The following COX7A2 variants were observed in gnomAD, a reference collection of about 807,000 sequenced individuals.
The protein encoded by COX7A2 is cytochrome c oxidase subunit 7A2, also known as cytochrome c oxidase subunit 7A2, mitochondrial.
COX7A2 carries 11 observed loss-of-function variants against 11.6 expected under a neutral mutation model. That is an observed-to-expected ratio of 0.95 (90% CI 0.60 to 1.57). COX7A2 has a LOEUF of 1.57. COX7A2 is among the 40% of genes most tolerant of loss of function. The pLI, the probability that COX7A2 is intolerant of heterozygous loss-of-function variation, is 0.00. For synonymous variants in COX7A2, 30 were observed against 38.2 expected (o/e 0.78, Z 0.79); for missense variants, 106 against 100.9 (o/e 1.05, Z -0.22).
At chr6:75,238,401 T>G (rs930969386) in intron 3 of COX7A2, among the ~76,000 whole-genome samples, 4 of 151,594 alleles carry the variant, frequency 2.6e-5, no homozygotes, top group African/African-American at 9.7e-5. Flanking sequence ...TAATCAAATG[T>G]AATATAAAAA....
upstream of COX7A2, among the ~76,000 whole-genome samples, chr6:75,244,395 A>G (rs754635638): frequency 1.3e-5 from 2 of 152,170 alleles, no homozygotes; most frequent in Admixed American, 6.5e-5. Context: ...AAATTGTGGA[A>G]GAGGCTCGCT....
chr6:75,244,334 C>T (rs531855486), upstream of COX7A2, among the ~76,000 whole-genome samples: 2 of 152,240 alleles, frequency 1.3e-5, no homozygotes, highest in African/African-American at 4.8e-5. Flanking sequence ...ATTCTTGTAC[C>T]TTCGACTGCT....
intron 3 of COX7A2, among the ~76,000 whole-genome samples, chr6:75,239,172 C>T (rs1180887805): frequency 1.3e-5 from 2 of 152,050 alleles, no homozygotes; most frequent in African/African-American, 2.4e-5. Flanking sequence ...TTGTGGGAAC[C>T]CCAACTTAAA....
chr6:75,240,387 TAG>T lies in COX7A2; in HGVS notation c.109-4_109-3del. On this transcript the variant is annotated splice_polypyrimidine_tract_variant and splice_region_variant and intron_variant, in intron 2 of 3. Coordinates refer to ENST00000684430, the MANE Select transcript of COX7A2 (RefSeq NM_001366293.2). Reference sequence around the variant, plus strand: ...ATACAGTGGAATTTCATCATCCTCCTAGATTTAAAAAAAAAAAAAAAAGACAA... The same window carrying T: ...ATACAGTGGAATTTCATCATCCTCCTATTTAAAAAAAAAAAAAAAAGACAA... 1.4e-6 allele frequency: 2 copies of T among 1,423,744 alleles called. No homozygotes were observed. Among genetic ancestry groups the T allele is most frequent in the Non-Finnish European group, 1.8e-6 (2 of 1,081,610 alleles). The allele number at this position is 1,423,744 out of a possible 1,614,324, so 88.2% of individuals were successfully genotyped here.
intron 1 of COX7A2, 148 bp downstream of exon 1, chr6:75,243,569 G>A: frequency 1.4e-6 from 1 of 711,426 alleles, no homozygotes; most frequent in Non-Finnish European, 2.4e-6. Context: ...GGAAGGGAAA[G>A]TAAGGTCAGG....
upstream of COX7A2, among the ~76,000 whole-genome samples, chr6:75,247,636 A>C (rs999026277): frequency 6.6e-6 from 1 of 152,126 alleles, no homozygotes; most frequent in African/African-American, 2.4e-5. Context: ...CTCTGACTCT[A>C]AAGTCCTTAT....
upstream of COX7A2, chr6:75,243,975 G>T: frequency 1.5e-6 from 1 of 674,288 alleles, no homozygotes; most frequent in Non-Finnish European, 2.5e-6. Context: ...TGACCTTTTC[G>T]ATGTTCAGTA....
chr6:75,248,081 CT>C (rs905344722), upstream of COX7A2, among the ~76,000 whole-genome samples: 4 of 10,676 alleles, frequency 3.7e-4, no homozygotes, highest in African/African-American at 9.0e-4. Flanking sequence ...CATCCTTTAT[CT>C]TTTTTTTTTT....
intron 1 of COX7A2, among the ~76,000 whole-genome samples, chr6:75,243,026 A>G (rs907534040): frequency 3.3e-5 from 5 of 152,224 alleles, no homozygotes; most frequent in Admixed American, 1.3e-4. Flanking sequence ...TGAATTAAAT[A>G]ATGAAACAAA....
chr6:75,238,653 G>A (rs187012924), intron 3 of COX7A2, among the ~76,000 whole-genome samples: 1,397 of 132,810 alleles, frequency 0.011, 22 homozygotes, highest in Middle Eastern at 0.043. Context: ...GCAGTAAGCC[G>A]AGATCGCGCC....
At chr6:75,238,860 G>A (rs1771403188) in intron 3 of COX7A2, among the ~76,000 whole-genome samples, 1 of 151,426 alleles carries the variant, frequency 6.6e-6, no homozygotes, top group Non-Finnish European at 1.5e-5. Context: ...CTGTCGCCCA[G>A]GCTGGAGTGC....
chr6:75,237,843 C>G lies in COX7A2; in HGVS notation c.*87G>C, dbSNP rs770819113. 1 of 999,656 alleles carries G rather than the reference C, an allele frequency of 1.0e-6. No homozygotes were observed. Among genetic ancestry groups the G allele is most frequent in the East Asian group, 2.5e-5 (1 of 40,600 alleles). 61.9% of individuals were successfully genotyped at this position (999,656 alleles called of 1,614,324 possible). Reference sequence around the variant, plus strand: ...ACTACAAGTCAATAAATATTGATCCCCAAAGAAGAGCTCGGTTATTTATCA... The same window carrying G: ...ACTACAAGTCAATAAATATTGATCCGCAAAGAAGAGCTCGGTTATTTATCA... On this transcript the variant is annotated 3_prime_UTR_variant, in exon 4 of 4. Transcript: ENST00000684430.
At position 75,241,340 on chromosome 6, in the gene COX7A2, A is replaced by G. The variant is rs1345147579; in HGVS notation, c.19-75T>C. The G allele has an allele frequency of 8.5e-6, 11 of 1,290,336 alleles. No individual in the cohort carries two copies. The Admixed American group carries it at 9.4e-5, about 11-fold the overall frequency. 79.9% of individuals were successfully genotyped at this position (1,290,336 alleles called of 1,614,324 possible). A position where few individuals can be genotyped will look rare whatever the true frequency, so the allele number is the denominator to read the frequency against. On this transcript the variant is annotated intron_variant, in intron 1 of 3. Coordinates refer to ENST00000684430, the MANE Select transcript of COX7A2 (RefSeq NM_001366293.2). ...AAACCAACTATTTTCAGTCGTTCAT[A>G]TTATAGAAAAGGTAAATTGAGACTT...
At chr6:75,243,954 G>A, upstream of COX7A2, 1 of 817,396 alleles carries the variant, frequency 1.2e-6, no homozygotes, top group Non-Finnish European at 1.9e-6. Context: ...TCAGTCCCGT[G>A]ATCTCGTTCC....
intron 3 of COX7A2, among the ~76,000 whole-genome samples, chr6:75,238,604 T>C (rs1345895894): frequency 1.4e-5 from 2 of 146,564 alleles, no homozygotes; most frequent in Non-Finnish European, 3.0e-5. Context: ...CTTGGGAGGC[T>C]GAGGCAGGAG....
rs749884186 is a variant in COX7A2, at chr6:75,243,758, C to T, written c.-24G>A. On this transcript the variant is annotated 5_prime_UTR_variant, in exon 1 of 4. Transcript: ENST00000684430. ...ATCTTGGCTGTTACTGACCAGCAAC[C>T]GCCACAACTGAACACCACCAACGAA... The T allele has an allele frequency of 8.1e-6, 13 of 1,613,890 alleles. No individual in the cohort carries two copies. The highest frequency in any genetic ancestry group is 1.1e-5 in the Non-Finnish European group (13 of 1,179,928).
chr6:75,247,404 T>C (rs1190111623), upstream of COX7A2, among the ~76,000 whole-genome samples: 2 of 152,212 alleles, frequency 1.3e-5, no homozygotes, highest in Non-Finnish European at 2.9e-5. Context: ...TATAAAAATA[T>C]AGAACAGTTT....
upstream of COX7A2, among the ~76,000 whole-genome samples, chr6:75,246,997 A>G (rs1343826956): frequency 1.3e-5 from 2 of 152,210 alleles, no homozygotes; most frequent in Non-Finnish European, 2.9e-5. Flanking sequence ...TTAGAAAATT[A>G]GAAAATGGTT....
chr6:75,243,839 T>C (rs754120103), upstream of COX7A2: 28 of 1,613,224 alleles, frequency 1.7e-5, no homozygotes, highest in South Asian at 2.2e-4. Flanking sequence ...ATTCACGAAC[T>C]TAAATCTTTC....
Sources: allele counts gnomAD v4.1 joint callset (sites outside exome capture counted in the v4.1 genomes callset), GRCh38; gene constraint gnomAD v4.1.1; transcripts MANE v1.5; gene names NCBI Gene and HGNC (gene_info 2026-07-23, HGNC 2026-07-21).